The following RPS6KC1 variants were observed in gnomAD, a reference collection of about 807,000 sequenced individuals.
The protein encoded by RPS6KC1 is ribosomal protein S6 kinase C1.
RPS6KC1 carries 54 observed loss-of-function variants against 103.8 expected under a neutral mutation model. The observed-to-expected ratio is 0.52, with a 90% CI of 0.42 to 0.65. RPS6KC1 has a LOEUF of 0.65. Ranked by LOEUF, RPS6KC1 falls within the 30% of genes least tolerant of loss-of-function variation. RPS6KC1 has a pLI of 0.00. For synonymous variants in RPS6KC1, 439 were observed against 438.7 expected, an observed-to-expected ratio of 1.00 and a Z score of -0.01; for missense variants, 1,151 against 1,253.8, an observed-to-expected ratio of 0.92 and a Z score of 1.24.
the RPS6KC1 span, among the ~76,000 whole-genome samples, chr1:213,811,100 T>C: frequency 5.3e-5 from 8 of 152,234 alleles, no homozygotes; most frequent in Non-Finnish European, 1.0e-4. Flanking sequence ...TTTATAGCAC[T>C]CTACTTACAA....
At chr1:213,299,828 G>A in the RPS6KC1 span, among the ~76,000 whole-genome samples, 2 of 151,784 alleles carry the variant, frequency 1.3e-5, no homozygotes, top group African/African-American at 4.8e-5. Context: ...TTTTTGAGAC[G>A]GAGTCTCGTT....
At chr1:213,115,892 G>A (rs1362470544) in intron 4 of RPS6KC1, among the ~76,000 whole-genome samples, 1 of 152,158 alleles carries the variant, frequency 6.6e-6, no homozygotes, top group Non-Finnish European at 1.5e-5. Flanking sequence ...CTGAGTTCTA[G>A]TTTGATTGCA....
the RPS6KC1 span, among the ~76,000 whole-genome samples, chr1:213,561,318 C>T: frequency 2.0e-5 from 3 of 152,158 alleles, no homozygotes; most frequent in African/African-American, 7.2e-5. Context: ...AAGCCATAAA[C>T]CATTGTAATA....
the RPS6KC1 span, among the ~76,000 whole-genome samples, chr1:213,545,666 G>T: frequency 2.6e-5 from 4 of 151,956 alleles, no homozygotes; most frequent in Non-Finnish European, 4.4e-5. Flanking sequence ...TCATTCTGAG[G>T]TACTGGGGGG....
the RPS6KC1 span, among the ~76,000 whole-genome samples, chr1:213,575,887 T>C: frequency 6.6e-6 from 1 of 152,186 alleles, no homozygotes; most frequent in Non-Finnish European, 1.5e-5. Context: ...TCTTCAGTTA[T>C]GTCCTCAAAT....
intron 10 of RPS6KC1, among the ~76,000 whole-genome samples, chr1:213,240,428 A>G (rs1349048241): frequency 6.6e-6 from 1 of 152,140 alleles, no homozygotes; most frequent in Admixed American, 6.6e-5. Flanking sequence ...ATTTCATACT[A>G]GTATGTGTTA....
intron 4 of RPS6KC1, among the ~76,000 whole-genome samples, chr1:213,109,548 A>T (rs2082816878): frequency 6.6e-6 from 1 of 151,962 alleles, no homozygotes; most frequent in African/African-American, 2.4e-5. Context: ...GCTGTTTTGA[A>T]TTAAACTGTT....
At chr1:213,706,705 C>A in the RPS6KC1 span, among the ~76,000 whole-genome samples, 2 of 152,142 alleles carry the variant, frequency 1.3e-5, no homozygotes, top group African/African-American at 4.8e-5. Context: ...CCTTGCCCCC[C>A]ACCCGTTGAC....
chr1:213,617,220 A>G, the RPS6KC1 span, among the ~76,000 whole-genome samples: 1 of 152,166 alleles, frequency 6.6e-6, no homozygotes, highest in Non-Finnish European at 1.5e-5. Context: ...TACTTGGCAT[A>G]ATTTCCCTTC....
the RPS6KC1 span, among the ~76,000 whole-genome samples, chr1:213,336,831 A>T: frequency 2.0e-5 from 3 of 152,128 alleles, no homozygotes; most frequent in Non-Finnish European, 4.4e-5. Context: ...TGAGTTTTTC[A>T]TACACCTATT....
intron 8 of RPS6KC1, among the ~76,000 whole-genome samples, chr1:213,212,542 T>A (rs2093539472): frequency 6.6e-6 from 1 of 152,190 alleles, no homozygotes; most frequent in South Asian, 2.1e-4. Flanking sequence ...TCTATAAACA[T>A]CCATGTGCAG....
intron 6 of RPS6KC1, among the ~76,000 whole-genome samples, chr1:213,157,614 G>T (rs1015533976): frequency 1.3e-5 from 2 of 152,178 alleles, no homozygotes; most frequent in African/African-American, 4.8e-5. Flanking sequence ...TACGTGGTCT[G>T]TCCTGGAGAA....
At chr1:213,754,930 A>T in the RPS6KC1 span, among the ~76,000 whole-genome samples, 1 of 152,360 alleles carries the variant, frequency 6.6e-6, no homozygotes, top group South Asian at 2.1e-4. Flanking sequence ...TAGATGATTT[A>T]GCAATCTAGT....
the RPS6KC1 span, among the ~76,000 whole-genome samples, chr1:213,420,059 T>C: frequency 2.6e-5 from 4 of 152,360 alleles, no homozygotes; most frequent in South Asian, 8.3e-4. Context: ...GGAGGGAGCC[T>C]GAGTGCCTTG....
the RPS6KC1 span, among the ~76,000 whole-genome samples, chr1:213,431,808 G>A: frequency 6.6e-6 from 1 of 152,084 alleles, no homozygotes; most frequent in Admixed American, 6.5e-5. Context: ...TGTGTATTAT[G>A]TGGGCATGCA....
chr1:213,800,070 G>GACCTCCTCTAAACCTAATA, the RPS6KC1 span, among the ~76,000 whole-genome samples: 2 of 152,068 alleles, frequency 1.3e-5, no homozygotes, highest in African/African-American at 4.8e-5. Context: ...CCATCCTCAT[G>GACCTCCTCTAAACCTAATA]ACCTCCTCTA....
chr1:213,372,456 G>A, the RPS6KC1 span, among the ~76,000 whole-genome samples: 2 of 152,352 alleles, frequency 1.3e-5, no homozygotes, highest in Admixed American at 1.3e-4. Context: ...GGGCATCTGC[G>A]TGTGGCCCAT....
At chr1:213,857,151 A>T in the RPS6KC1 span, among the ~76,000 whole-genome samples, 1 of 152,134 alleles carries the variant, frequency 6.6e-6, no homozygotes, top group Admixed American at 6.5e-5. Flanking sequence ...GACCCAAAGG[A>T]GTGTTTTGGA....
chr1:213,843,164 C>A, the RPS6KC1 span, among the ~76,000 whole-genome samples: 1 of 152,154 alleles, frequency 6.6e-6, no homozygotes, highest in Admixed American at 6.5e-5. Context: ...CTCTTAAGAC[C>A]TTCTGCTGAT....
Sources: gnomAD v4.1 joint callset for allele counts (sites outside exome capture counted in the v4.1 genomes callset) on GRCh38, gnomAD v4.1.1 for gene constraint, MANE v1.5 for transcripts, NCBI Gene and HGNC (gene_info 2026-07-23, HGNC 2026-07-21) for gene names.